The following THSD4 variants were observed in gnomAD, a reference collection of about 807,000 sequenced individuals.
THSD4 encodes thrombospondin type 1 domain containing 4.
A neutral mutation model predicts 119.0 loss-of-function variants in THSD4; 69 were observed. The observed-to-expected ratio is 0.58, with a 90% CI of 0.48 to 0.71. The LOEUF (loss-of-function observed/expected upper bound fraction) is 0.71, where lower values mean the gene tolerates loss of function less well. THSD4 is among the 30% of genes least tolerant of loss of function. The pLI is 0.00. For missense variants in THSD4, 1,393 were observed against 1,391.1 expected (o/e 1.00, Z -0.02); for synonymous variants, 524 against 540.4 (o/e 0.97, Z 0.42).
At chr15:71,461,316 CT>C in intron 7 of THSD4, among the ~76,000 whole-genome samples, 1 of 152,188 alleles carries the variant, frequency 6.6e-6, no homozygotes, top group East Asian at 1.9e-4. Flanking sequence ...CCCAGGTGAT[CT>C]AAGAAAGTGC....
intron 6 of THSD4, among the ~76,000 whole-genome samples, chr15:71,296,162 T>C (rs2044860497): frequency 6.6e-6 from 1 of 152,242 alleles, no homozygotes; most frequent in Admixed American, 6.5e-5. Context: ...TTCTCTTGCG[T>C]ATATACCTAG....
chr15:71,455,298 T>C (rs2047323411), intron 7 of THSD4, among the ~76,000 whole-genome samples: 1 of 152,158 alleles, frequency 6.6e-6, no homozygotes, highest in African/African-American at 2.4e-5. Flanking sequence ...CAGAAGGGCT[T>C]AGGGTGTCAG....
upstream of THSD4, chr15:71,111,496 G>T: frequency 2.7e-6 from 3 of 1,113,490 alleles, no homozygotes. Flanking sequence ...GAGATTTTTA[G>T]AAACAGCTCA....
chr15:71,555,346 A>G (rs541825029), intron 7 of THSD4, among the ~76,000 whole-genome samples: 3 of 152,340 alleles, frequency 2.0e-5, no homozygotes, highest in Admixed American at 1.3e-4. Flanking sequence ...TTACTGATAT[A>G]TAAGATATAA....
intron 7 of THSD4, among the ~76,000 whole-genome samples, chr15:71,482,151 T>C (rs1016538725): frequency 1.3e-5 from 2 of 152,174 alleles, no homozygotes; most frequent in African/African-American, 4.8e-5. Context: ...AGTCTGAAGG[T>C]AGACAGTAAC....
intron 6 of THSD4, among the ~76,000 whole-genome samples, chr15:71,316,770 C>A (rs2045192074): frequency 6.6e-6 from 1 of 152,144 alleles, no homozygotes; most frequent in Non-Finnish European, 1.5e-5. Flanking sequence ...ATTTATGTTC[C>A]AAGCATCTCA....
At chr15:71,274,807 T>A (rs1442783) in intron 6 of THSD4, among the ~76,000 whole-genome samples, 75,587 of 151,814 alleles carry the variant, frequency 0.5, 19,468 homozygotes, top group East Asian at 0.71. Flanking sequence ...AATGATTCTT[T>A]AAAAAGCTGT....
chr15:71,368,447 G>A (rs1305270185), intron 6 of THSD4, among the ~76,000 whole-genome samples: 12 of 152,156 alleles, frequency 7.9e-5, no homozygotes, highest in Non-Finnish European at 5.9e-5. Flanking sequence ...AATCCATCTT[G>A]AATTAATTTT....
At chr15:71,361,410 A>T (rs1274501837) in intron 6 of THSD4, among the ~76,000 whole-genome samples, 1 of 152,254 alleles carries the variant, frequency 6.6e-6, no homozygotes, top group African/African-American at 2.4e-5. Flanking sequence ...ACTGAACTGT[A>T]TGAAAAGATG....
At chr15:71,684,552 C>T (rs773209242) in intron 8 of THSD4, among the ~76,000 whole-genome samples, 1 of 150,730 alleles carries the variant, frequency 6.6e-6, no homozygotes, top group Non-Finnish European at 1.5e-5. Flanking sequence ...TTTTAAATGA[C>T]ATTTTGGCAC....
intron 7 of THSD4, among the ~76,000 whole-genome samples, chr15:71,648,215 C>T (rs1377132223): frequency 6.6e-6 from 1 of 152,166 alleles, no homozygotes; most frequent in East Asian, 1.9e-4. Context: ...GAGAATTAGG[C>T]AGGATAACAT....
intron 9 of THSD4, chr15:71,729,046 G>A: frequency 2.9e-6 from 1 of 350,846 alleles, no homozygotes; most frequent in Non-Finnish European, 5.4e-6. Context: ...TCTCCTCCAG[G>A]CACTTTCCTT....
chr15:71,771,247 T>G (rs774757744), intron 17 of THSD4, 39 bp downstream of exon 17: 71 of 1,608,884 alleles, frequency 4.4e-5, no homozygotes, highest in Non-Finnish European at 5.8e-5. Context: ...AGGTTTGTGT[T>G]TTTTAAGCTT....
chr15:71,196,961 G>C (rs892754589), intron 3 of THSD4, among the ~76,000 whole-genome samples: 2 of 152,170 alleles, frequency 1.3e-5, no homozygotes, highest in Non-Finnish European at 2.9e-5. Flanking sequence ...CTGCATGAAG[G>C]TGGAAGGACT....
intron 6 of THSD4, among the ~76,000 whole-genome samples, chr15:71,264,720 A>G (rs747393080): frequency 3.9e-5 from 6 of 152,200 alleles, no homozygotes; most frequent in Non-Finnish European, 5.9e-5. Flanking sequence ...GCTTTGGAGT[A>G]TGTTACATTA....
intron 6 of THSD4, among the ~76,000 whole-genome samples, chr15:71,358,331 A>G (rs531524972): frequency 4.6e-5 from 7 of 152,210 alleles, no homozygotes; most frequent in Non-Finnish European, 1.0e-4. Context: ...CTGTATAATC[A>G]GTCCAGGGAC....
intron 8 of THSD4, among the ~76,000 whole-genome samples, chr15:71,685,751 G>T (rs1177289838): frequency 1.3e-5 from 2 of 152,026 alleles, no homozygotes; most frequent in Non-Finnish European, 2.9e-5. Flanking sequence ...AAAAGTGGTA[G>T]TTTCTTAAAG....
intron 7 of THSD4, among the ~76,000 whole-genome samples, chr15:71,607,246 A>G (rs914599579): frequency 6.6e-6 from 1 of 152,216 alleles, no homozygotes; most frequent in African/African-American, 2.4e-5. Context: ...GGGGAAAGAC[A>G]GCTTGGCTGT....
At chr15:71,621,627 AT>A (rs2050419943) in intron 7 of THSD4, among the ~76,000 whole-genome samples, 1 of 152,208 alleles carries the variant, frequency 6.6e-6, no homozygotes, top group African/African-American at 2.4e-5. Context: ...ATTCAATAAT[AT>A]TTTCAAAAAT....
Sources: gnomAD v4.1 joint callset for allele counts (sites outside exome capture counted in the v4.1 genomes callset) on GRCh38, gnomAD v4.1.1 for gene constraint, MANE v1.5 for transcripts, NCBI Gene and HGNC (gene_info 2026-07-23, HGNC 2026-07-21) for gene names.